The following ESYT2 variants were observed in gnomAD, a reference collection of about 807,000 sequenced individuals.
The protein encoded by ESYT2 is extended synaptotagmin 2, also known as extended synaptotagmin-2.
A neutral mutation model predicts 107.2 loss-of-function variants in ESYT2; 54 were observed. The ratio of observed to expected loss-of-function variants is 0.50; its 90% CI spans 0.40 to 0.63. ESYT2 has a LOEUF of 0.63. ESYT2 is among the 30% of genes least tolerant of loss of function. The pLI is 0.00. For missense variants in ESYT2, 1,020 were observed against 1,094.5 expected (o/e 0.93, Z 0.96); for synonymous variants, 491 against 434.1 (o/e 1.13, Z -1.63).
intron 14 of ESYT2, among the ~76,000 whole-genome samples, chr7:158,752,307 G>A: frequency 6.6e-6 from 1 of 152,174 alleles, no homozygotes; most frequent in East Asian, 1.9e-4. Context: ...CTTCTCAAGA[G>A]ATCACCCAAA....
intron 13 of ESYT2, among the ~76,000 whole-genome samples, chr7:158,754,748 C>T (rs777629727): frequency 3.9e-5 from 6 of 152,130 alleles, no homozygotes; most frequent in Non-Finnish European, 5.9e-5. Flanking sequence ...CCAAGCACCC[C>T]GACTCTGGGC....
chr7:158,762,218 C>A (rs371870540), intron 10 of ESYT2, among the ~76,000 whole-genome samples: 7 of 152,250 alleles, frequency 4.6e-5, no homozygotes, highest in Admixed American at 2.0e-4. Context: ...TTCTGCCCCC[C>A]ACAATCTATG....
rs1368891325 is a variant in ESYT2 at position 158,775,359 on chromosome 7, A to C, written c.748-1963T>G. Among the ~76,000 whole-genome samples the C allele has an allele frequency of 2.2e-5, 3 of 138,210 alleles. No individual in the cohort carries two copies. The East Asian group carries it at 5.9e-4, about 27-fold the overall frequency. 90.7% of individuals were successfully genotyped at this position (138,210 alleles called of 152,430 possible). A position where few individuals can be genotyped will look rare whatever the true frequency, so the allele number is the denominator to read the frequency against. On this transcript the variant is annotated intron_variant, in intron 6 of 22. Transcript: ENST00000275418. The stretch of plus-strand genomic sequence containing the variant: ...GCTGCATTGACTGACTCTGCCTTTC[A>C]AAAAAGATTTCTCTGTAGCATGCCA...
intron 3 of ESYT2, among the ~76,000 whole-genome samples, chr7:158,795,355 T>TA: frequency 2.0e-5 from 3 of 152,362 alleles, no homozygotes; most frequent in Non-Finnish European, 1.5e-5. Flanking sequence ...GTATCAAACT[T>TA]AAAGTGTGTG....
At chr7:158,753,784 G>A (rs1192974255) in intron 13 of ESYT2, among the ~76,000 whole-genome samples, 4 of 151,778 alleles carry the variant, frequency 2.6e-5, no homozygotes, top group East Asian at 3.9e-4. Context: ...GATCCACTGC[G>A]TCCGTCTCTA....
intron 11 of ESYT2, 42 bp downstream of exon 11, chr7:158,761,454 A>G (rs772858222): frequency 1.2e-5 from 19 of 1,599,752 alleles, no homozygotes; most frequent in Non-Finnish European, 1.4e-5. Context: ...GCAGGGACTC[A>G]GTCAACAATT....
At chr7:158,785,943 A>G (rs528100983) in intron 6 of ESYT2, among the ~76,000 whole-genome samples, 45 of 152,314 alleles carry the variant, frequency 3.0e-4, no homozygotes, top group Admixed American at 1.0e-3. Context: ...CAAAATAAAA[A>G]CCTTTCTAGA....
intron 7 of ESYT2, among the ~76,000 whole-genome samples, chr7:158,768,404 G>C (rs1323621420): frequency 1.3e-5 from 2 of 152,146 alleles, no homozygotes; most frequent in East Asian, 1.9e-4. Flanking sequence ...AAATTGCTTA[G>C]GCTAAAGGAA....
chr7:158,784,617 G>A (rs1217752396), intron 6 of ESYT2, among the ~76,000 whole-genome samples: 3 of 152,218 alleles, frequency 2.0e-5, no homozygotes, highest in South Asian at 2.1e-4. Flanking sequence ...TCCTGGTTCC[G>A]TTCTGTTCCT....
intron 1 of ESYT2, among the ~76,000 whole-genome samples, chr7:158,805,791 G>T (rs966022918): frequency 6.6e-6 from 1 of 152,170 alleles, no homozygotes. Flanking sequence ...TAGGAAATCC[G>T]AAAAGACACT....
chr7:158,748,562 C>G (rs1201424), intron 15 of ESYT2, among the ~76,000 whole-genome samples: 1 of 151,530 alleles, frequency 6.6e-6, no homozygotes, highest in Non-Finnish European at 1.5e-5. Flanking sequence ...GCTTCGTGTG[C>G]GTGGCCTGGC....
intron 4 of ESYT2, among the ~76,000 whole-genome samples, chr7:158,789,365 CT>C (rs953605068): frequency 1.3e-5 from 2 of 151,254 alleles, no homozygotes; most frequent in African/African-American, 4.9e-5. Context: ...ATTTTCTTTT[CT>C]TTTTTTTTGA....
rs67422901 is a variant in ESYT2 at position 158,809,474 on chromosome 7, C to CAAAAAAA, written c.331-10409_331-10403dup. ...CTGGCTACAGAGTAAGAATCCATCT[C>CAAAAAAA]AAAAAAAAAAAAAAAAAAAAAAACC... On this transcript the variant is annotated intron_variant, in intron 1 of 22. Coordinates refer to ENST00000275418, the MANE Select transcript of ESYT2 (RefSeq NM_001367773.1). 1.7e-3 allele frequency among the ~76,000 whole-genome samples: 84 copies of CAAAAAAA among 49,608 alleles called. 1 individual carries two copies. The highest frequency in any genetic ancestry group is 6.3e-3 in the East Asian group (8 of 1,266). The allele number at this position is 49,608 out of a possible 152,430, so 32.5% of individuals were successfully genotyped here.
intron 6 of ESYT2, among the ~76,000 whole-genome samples, chr7:158,774,830 C>T (rs571032175): frequency 6.6e-6 from 1 of 152,324 alleles, no homozygotes; most frequent in South Asian, 2.1e-4. Flanking sequence ...TCAGAGGACA[C>T]CCACTGGTGA....
At chr7:158,764,177 C>A (rs1204091643) in intron 9 of ESYT2, among the ~76,000 whole-genome samples, 1 of 152,160 alleles carries the variant, frequency 6.6e-6, no homozygotes, top group Non-Finnish European at 1.5e-5. Context: ...TCTACTTGTA[C>A]AGCATTGTTT....
At chr7:158,800,802 C>T (rs1180400650) in intron 1 of ESYT2, among the ~76,000 whole-genome samples, 2 of 151,372 alleles carry the variant, frequency 1.3e-5, no homozygotes, top group Non-Finnish European at 2.9e-5. Flanking sequence ...GATCTCGACT[C>T]GCCACAACCT....
At chr7:158,752,664 G>T in intron 14 of ESYT2, 117 bp downstream of exon 14, 1 of 562,302 alleles carries the variant, frequency 1.8e-6, no homozygotes, top group Non-Finnish European at 2.7e-6. Context: ...TCTTCCACTA[G>T]ACAATTAATT....
At chr7:158,798,209 G>T in intron 2 of ESYT2, 133 bp from the exon 3 acceptor site, 2 of 924,704 alleles carry the variant, frequency 2.2e-6, no homozygotes, top group Non-Finnish European at 3.2e-6. Context: ...TTGTTGTTAT[G>T]CAAAATCAAC....
intron 1 of ESYT2, among the ~76,000 whole-genome samples, chr7:158,816,019 TGA>T (rs1805298203): frequency 6.6e-6 from 1 of 152,154 alleles, no homozygotes; most frequent in Admixed American, 6.5e-5. Context: ...CTGGAATTTG[TGA>T]GTGTCGCTTT....
Sources: allele counts gnomAD v4.1 joint callset (sites outside exome capture counted in the v4.1 genomes callset), GRCh38; gene constraint gnomAD v4.1.1; transcripts MANE v1.5; gene names NCBI Gene and HGNC (gene_info 2026-07-23, HGNC 2026-07-21).